Variants in MTX2 observed in about 807,000 individuals in gnomAD.
MTX2 encodes the protein metaxin-2.
MTX2 carries 35 observed loss-of-function variants against 42.3 expected under a neutral mutation model. The ratio of observed to expected loss-of-function variants is 0.83; its 90% CI spans 0.63 to 1.10. The LOEUF is 1.10. Ranked by LOEUF, MTX2 falls within the 50% of genes least tolerant of loss-of-function variation. The pLI is 0.00. For missense variants in MTX2, 307 were observed against 304.1 expected (o/e 1.01, Z -0.07); for synonymous variants, 119 against 100.9 (o/e 1.18, Z -1.08).
intron 3 of MTX2, among the ~76,000 whole-genome samples, chr2:176,311,988 A>G (rs1310160297): frequency 1.3e-5 from 2 of 152,166 alleles, no homozygotes; most frequent in Non-Finnish European, 1.5e-5. Context: ...TGCGTTGATC[A>G]TGCTGGGAGC....
chr2:176,289,331 A>G (rs551655263), intron 1 of MTX2, among the ~76,000 whole-genome samples: 15 of 152,054 alleles, frequency 9.9e-5, no homozygotes, highest in Non-Finnish European at 1.6e-4. Context: ...GTAAATACTT[A>G]TGAGTTTCTT....
At chr2:176,324,583 TACAA>T (rs1403140889) in intron 4 of MTX2, among the ~76,000 whole-genome samples, 1 of 151,698 alleles carries the variant, frequency 6.6e-6, no homozygotes, top group South Asian at 2.1e-4. Context: ...TATGTAGTCA[TACAA>T]ACAGTTTGTA....
At chr2:176,294,351 C>G (rs2105410916) in intron 1 of MTX2, among the ~76,000 whole-genome samples, 1 of 139,654 alleles carries the variant, frequency 7.2e-6, no homozygotes, top group South Asian at 2.3e-4. Context: ...GTGGCGTGAT[C>G]TTGGCTCACA....
At chr2:176,273,285 A>C (rs1692867102) in intron 1 of MTX2, among the ~76,000 whole-genome samples, 1 of 152,226 alleles carries the variant, frequency 6.6e-6, no homozygotes, top group South Asian at 2.1e-4. Flanking sequence ...AGACTATAGC[A>C]GTGGTTAAAG....
intron 3 of MTX2, among the ~76,000 whole-genome samples, chr2:176,315,896 C>T (rs1049579260): frequency 9.2e-5 from 14 of 152,196 alleles, no homozygotes; most frequent in African/African-American, 3.4e-4. Flanking sequence ...GAGGCCTTAT[C>T]TGACTACCCT....
intron 3 of MTX2, among the ~76,000 whole-genome samples, chr2:176,301,225 G>A (rs1684016038): frequency 2.0e-5 from 3 of 151,998 alleles, no homozygotes; most frequent in Admixed American, 1.3e-4. Context: ...GGAGCATTGC[G>A]TTCAATCCTT....
chr2:176,312,267 T>G (rs983436008), intron 3 of MTX2, among the ~76,000 whole-genome samples: 1 of 152,218 alleles, frequency 6.6e-6, no homozygotes, highest in Non-Finnish European at 1.5e-5. Context: ...TTTGCATTTA[T>G]TTTTAGGAAT....
chr2:176,323,342 A>G, intron 3 of MTX2, 50 bp from the exon 4 acceptor site: 1 of 1,460,264 alleles, frequency 6.8e-7, no homozygotes, highest in East Asian at 2.3e-5. Context: ...TTTCTGTTCA[A>G]ATATGCATAT....
intron 1 of MTX2, among the ~76,000 whole-genome samples, chr2:176,294,421 T>A (rs1461445298): frequency 2.0e-5 from 3 of 151,946 alleles, no homozygotes; most frequent in Non-Finnish European, 4.4e-5. Context: ...GTAGCTGGGA[T>A]TACAGGCGCC....
chr2:176,336,586 A>G (rs1038304625), intron 9 of MTX2, among the ~76,000 whole-genome samples: 5 of 152,106 alleles, frequency 3.3e-5, no homozygotes, highest in South Asian at 2.1e-4. Flanking sequence ...TCTTGTTTTT[A>G]TGTCTAGCAT....
At chr2:176,320,895 C>T (rs1188639069) in intron 3 of MTX2, among the ~76,000 whole-genome samples, 5 of 151,986 alleles carry the variant, frequency 3.3e-5, no homozygotes, top group Non-Finnish European at 7.4e-5. Flanking sequence ...TGGGTTCTCC[C>T]TATGTTTTCT....
intron 9 of MTX2, among the ~76,000 whole-genome samples, chr2:176,331,958 G>A (rs747163941): frequency 2.6e-5 from 4 of 151,188 alleles, no homozygotes; most frequent in Admixed American, 6.6e-5. Flanking sequence ...TAAACTCATT[G>A]TCATTGTGTT....
intron 5 of MTX2, among the ~76,000 whole-genome samples, chr2:176,327,550 A>G (rs1251635638): frequency 2.7e-5 from 4 of 148,510 alleles, no homozygotes; most frequent in African/African-American, 9.8e-5. Flanking sequence ...AGATATATAT[A>G]TATCTCCAAA....
rs1684794965 is a variant in MTX2 at position 176,329,197 on chromosome 2, CTATT to C, written c.418-100_418-97del. ...GGATGTGTATTTTTTTCAGATTGCTCTATTTATGTTCTCTGAAAATATATTTCTT... is the reference window on the plus strand; with the variant it reads ...GGATGTGTATTTTTTTCAGATTGCTCTATGTTCTCTGAAAATATATTTCTT... On this transcript the variant is annotated intron_variant, in intron 7 of 9. Coordinates refer to ENST00000249442, the MANE Select transcript of MTX2 (RefSeq NM_006554.5). 6.9e-6 allele frequency: 9 copies of C among 1,310,182 alleles called. No individual in the cohort carries two copies. The Admixed American group carries it at 1.3e-4, about 19-fold the overall frequency. The allele number at this position is 1,310,182 out of a possible 1,614,324, so 81.2% of individuals were successfully genotyped here. A position where few individuals can be genotyped will look rare whatever the true frequency, so the allele number is the denominator to read the frequency against.
chr2:176,324,574 A>G (rs1163634288), intron 4 of MTX2, among the ~76,000 whole-genome samples: 1 of 151,604 alleles, frequency 6.6e-6, no homozygotes, highest in Non-Finnish European at 1.5e-5. Flanking sequence ...CTTTTCCTCT[A>G]TGTAGTCATA....
chr2:176,277,814 A>G (rs1692982980), intron 1 of MTX2, among the ~76,000 whole-genome samples: 1 of 151,952 alleles, frequency 6.6e-6, no homozygotes, highest in Admixed American at 6.6e-5. Context: ...TATTGGACCG[A>G]CCGTCACGTT....
chr2:176,323,498 T>G, intron 4 of MTX2, 34 bp downstream of exon 4: 1 of 1,556,144 alleles, frequency 6.4e-7, no homozygotes, highest in Non-Finnish European at 8.8e-7. Context: ...CTGTTAATAT[T>G]ATGGAGTGAT....
intron 1 of MTX2, among the ~76,000 whole-genome samples, chr2:176,295,232 G>A (rs1683832728): frequency 6.6e-6 from 1 of 152,060 alleles, no homozygotes; most frequent in Non-Finnish European, 1.5e-5. Flanking sequence ...TAAGATTAAT[G>A]TAATGCATAT....
At chr2:176,321,764 G>A (rs528953124) in intron 3 of MTX2, among the ~76,000 whole-genome samples, 2 of 152,206 alleles carry the variant, frequency 1.3e-5, no homozygotes, top group South Asian at 4.2e-4. Flanking sequence ...AAGGGAGCCC[G>A]GAAAATAAGT....
Sources: allele counts gnomAD v4.1 joint callset (sites outside exome capture counted in the v4.1 genomes callset), GRCh38; gene constraint gnomAD v4.1.1; transcripts MANE v1.5; gene names NCBI Gene and HGNC (gene_info 2026-07-23, HGNC 2026-07-21).